Variants in SUFU observed in about 807,000 individuals in gnomAD.
SUFU encodes SUFU negative regulator of hedgehog signaling, also known as suppressor of fused homolog.
Under a neutral mutation model 58.9 loss-of-function variants are expected in SUFU, and 7 were observed. The ratio of observed to expected loss-of-function variants is 0.12; its 90% confidence interval spans 0.07 to 0.22. The LOEUF (loss-of-function observed/expected upper bound fraction) is 0.22. SUFU is among the 10% of genes least tolerant of loss of function. SUFU has a pLI of 1.00. For synonymous variants in SUFU, 232 were observed against 254.8 expected (o/e 0.91, Z 0.85); for missense variants, 451 against 641.3 (o/e 0.70, Z 3.20).
chr10:102,565,398 C>T (rs1159500928), intron 3 of SUFU, among the ~76,000 whole-genome samples: 2 of 152,152 alleles, frequency 1.3e-5, no homozygotes, highest in African/African-American at 4.8e-5. Flanking sequence ...GAATCAATTA[C>T]AGTACCTAGA....
intron 3 of SUFU, among the ~76,000 whole-genome samples, chr10:102,566,539 C>T (rs928554384): frequency 2.6e-5 from 4 of 151,804 alleles, no homozygotes; most frequent in Admixed American, 1.3e-4. Context: ...GCCAAGGGGG[C>T]GGCTCACAGG....
At chr10:102,622,434 A>G (rs1018935301) in intron 10 of SUFU, among the ~76,000 whole-genome samples, 7 of 151,522 alleles carry the variant, frequency 4.6e-5, no homozygotes, top group African/African-American at 1.7e-4. Flanking sequence ...ATGTGGAGAA[A>G]CCCCATCTCT....
rs539810584 is a variant in SUFU at position 102,558,654 on chromosome 10, C to G, written c.454+8548C>G. 1.4e-4 allele frequency among the ~76,000 whole-genome samples: 21 copies of G among 152,362 alleles called. 2 individuals are homozygous for G. The South Asian group carries it at 4.3e-3, about 32-fold the overall frequency. On this transcript the variant is annotated intron_variant, in intron 3 of 11. Transcript: ENST00000369902. ...CGTTGAAAGTCTTCCCTCTGCTCAT[C>G]ACTTCCAAGCACATGGAATAGGAGG... is the stretch of plus-strand genomic sequence containing the variant.
chr10:102,595,580 T>G (rs2063452868), intron 6 of SUFU, among the ~76,000 whole-genome samples: 1 of 81,854 alleles, frequency 1.2e-5, no homozygotes, highest in African/African-American at 5.1e-5. Context: ...CAGCTGTCCT[T>G]CCATGCCAAG....
intron 6 of SUFU, among the ~76,000 whole-genome samples, chr10:102,594,773 CA>C (rs1230224944): frequency 6.6e-6 from 1 of 152,164 alleles, no homozygotes; most frequent in African/African-American, 2.4e-5. Flanking sequence ...GCCTGGAGTG[CA>C]GTGGCACAAT....
chr10:102,597,889 T>G (rs1381262507), intron 7 of SUFU, among the ~76,000 whole-genome samples: 4 of 152,356 alleles, frequency 2.6e-5, no homozygotes, highest in Middle Eastern at 6.8e-3. Context: ...AATCTCCCTG[T>G]GCTGATCTTG....
intron 6 of SUFU, among the ~76,000 whole-genome samples, chr10:102,596,582 C>T (rs186125627): frequency 6.6e-6 from 1 of 152,326 alleles, no homozygotes; most frequent in Admixed American, 6.5e-5. Flanking sequence ...ACCAATGCAT[C>T]TAGGGAAGTC....
chr10:102,553,359 G>C (rs1307201054), intron 3 of SUFU, among the ~76,000 whole-genome samples: 1 of 152,156 alleles, frequency 6.6e-6, no homozygotes, highest in Non-Finnish European at 1.5e-5. Flanking sequence ...CATTGAATAT[G>C]TGAGGTTAGG....
At chr10:102,520,241 G>C (rs1235715297) in intron 2 of SUFU, among the ~76,000 whole-genome samples, 2 of 120,256 alleles carry the variant, frequency 1.7e-5, no homozygotes, top group Non-Finnish European at 3.3e-5. Context: ...TTTTGAGGCA[G>C]AGTTTCACTC....
intron 10 of SUFU, among the ~76,000 whole-genome samples, chr10:102,618,853 G>A (rs1313696346): frequency 1.3e-5 from 2 of 152,054 alleles, no homozygotes; most frequent in Non-Finnish European, 2.9e-5. Context: ...TCTCCTGGGC[G>A]GAGCTGCTGA....
intron 2 of SUFU, among the ~76,000 whole-genome samples, chr10:102,544,865 A>G (rs2062837444): frequency 6.6e-6 from 1 of 152,218 alleles, no homozygotes; most frequent in African/African-American, 2.4e-5. Context: ...ATAGAATCAT[A>G]CAATAGGTAG....
At chr10:102,506,701 G>T (rs1022446129) in intron 1 of SUFU, among the ~76,000 whole-genome samples, 1 of 152,206 alleles carries the variant, frequency 6.6e-6, no homozygotes, top group Non-Finnish European at 1.5e-5. Flanking sequence ...TACTTTCTAA[G>T]ATGTGGAGGG....
At chr10:102,509,365 G>A in intron 2 of SUFU, 62 bp downstream of exon 2, 5 of 1,600,994 alleles carry the variant, frequency 3.1e-6, no homozygotes, top group African/African-American at 1.3e-5. Context: ...CTGAGCAGGG[G>A]TGACAATGTC....
intron 3 of SUFU, among the ~76,000 whole-genome samples, chr10:102,582,874 G>C (rs779186457): frequency 6.6e-6 from 1 of 152,144 alleles, no homozygotes. Flanking sequence ...CACTGGGTGC[G>C]GGGGAGCCTC....
Position 102,504,223 on chromosome 10 carries a change from C to T in SUFU, c.71C>T (p.Pro24Leu), listed in dbSNP as rs754218597. The T allele has an allele frequency of 6.2e-7, 1 of 1,611,780 alleles. No homozygotes were observed. The highest frequency in any genetic ancestry group is 1.1e-5 in the South Asian group (1 of 90,928). ...CCGGCCCCTGGCCCGACTGCCCCCC[C>T]GGCCTTCGCTTCGCTCTTTCCCCCG... ...APPAPGPTAP[P>L]AFASLFPPGL... Residue 24 changes from proline (P) to leucine (L), a missense_variant, in exon 1 of 12, where the codon CCG becomes CTG. Transcript: ENST00000369902.
At chr10:102,584,588 G>A (rs2063317757) in intron 3 of SUFU, among the ~76,000 whole-genome samples, 1 of 152,028 alleles carries the variant, frequency 6.6e-6, no homozygotes, top group Admixed American at 6.6e-5. Context: ...AACAATTTTA[G>A]GTAGGCAACA....
intron 2 of SUFU, among the ~76,000 whole-genome samples, chr10:102,546,502 A>C (rs1490999815): frequency 6.6e-6 from 1 of 152,016 alleles, no homozygotes; most frequent in Non-Finnish European, 1.5e-5. Flanking sequence ...TTCCCCTTAT[A>C]CTTTCCTTTC....
At chr10:102,518,177 A>T (rs1408578074) in intron 2 of SUFU, among the ~76,000 whole-genome samples, 1 of 152,184 alleles carries the variant, frequency 6.6e-6, no homozygotes, top group East Asian at 1.9e-4. Flanking sequence ...ATATAAACTC[A>T]TTTAATCCTC....
chr10:102,602,215 A>G (rs968823332), intron 8 of SUFU, among the ~76,000 whole-genome samples: 15 of 152,226 alleles, frequency 9.9e-5, no homozygotes, highest in African/African-American at 3.6e-4. Flanking sequence ...GATGAGGTAC[A>G]GAGAGGCTAA....
Sources: allele counts gnomAD v4.1 joint callset (sites outside exome capture counted in the v4.1 genomes callset), GRCh38; gene constraint gnomAD v4.1.1; transcripts MANE v1.5; gene names NCBI Gene and HGNC (gene_info 2026-07-23, HGNC 2026-07-21).